The following WDR88 variants were observed in gnomAD, a reference collection of about 807,000 sequenced individuals.
WDR88 encodes WD repeat domain 88.
In WDR88, 40 loss-of-function variants were observed where a neutral mutation model predicts 46.8. The observed-to-expected ratio is 0.86, with a 90% CI of 0.66 to 1.11. The LOEUF (loss-of-function observed/expected upper bound fraction) is 1.11, where lower values mean the gene tolerates loss of function less well. Ranked by LOEUF, WDR88 falls within the 50% of genes most tolerant of loss-of-function variation. The pLI, the probability that WDR88 is intolerant of heterozygous loss-of-function variation, is 0.00. For missense variants in WDR88, 562 were observed against 602.4 expected (o/e 0.93, Z 0.70); for synonymous variants, 235 against 240.7 (o/e 0.98, Z 0.22).
In WDR88 at chr19:33,148,849, C is replaced by G. The variant is rs141262115; in HGVS notation, c.618C>G (p.Asp206Glu). The change falls in exon 5 of 11, where the codon GAC becomes GAG. Residue 206 changes from aspartate to glutamate, a missense_variant. Coordinates refer to ENST00000355868, the MANE Select transcript of WDR88 (RefSeq NM_173479.4). Reference protein sequence around the residue: ...PDGKYVVSGFDVDHGICIMDA... With the variant: ...PDGKYVVSGFEVDHGICIMDA... ...GTAAATACGTGGTCTCAGGCTTCGA[C>G]GTGGATCATGGAATCTGCATAATGG... is the stretch of plus-strand genomic sequence containing the variant. The G allele has an allele frequency of 9.9e-5, 160 of 1,614,074 alleles. No individual in the cohort carries two copies. Among genetic ancestry groups the G allele is most frequent in the Admixed American group, 2.0e-4 (12 of 60,000 alleles).
intron 1 of WDR88, 107 bp downstream of exon 1, chr19:33,132,552 AC>A: frequency 1.3e-6 from 2 of 1,483,382 alleles, no homozygotes; most frequent in Non-Finnish European, 9.1e-7. Context: ...CTTCACCAGG[AC>A]CCCCAGCGAG....
chr19:33,156,846 AC>A (rs1273470254), intron 7 of WDR88, among the ~76,000 whole-genome samples: 3 of 151,886 alleles, frequency 2.0e-5, no homozygotes, highest in East Asian at 1.9e-4. Context: ...TGGGAACCCA[AC>A]CCTTCCACTC....
intron 1 of WDR88, among the ~76,000 whole-genome samples, chr19:33,134,306 G>C (rs1338171761): frequency 6.6e-6 from 1 of 151,520 alleles, no homozygotes; most frequent in African/African-American, 2.4e-5. Flanking sequence ...TAGGTTTTTT[G>C]TTTTCCTATT....
chr19:33,172,548 A>ATGGTTTT, intron 10 of WDR88, 108 bp downstream of exon 10: 2 of 890,986 alleles, frequency 2.2e-6, no homozygotes, highest in Non-Finnish European at 3.4e-6. Context: ...AATCGTGAAC[A>ATGGTTTT]AACAGACTGA....
chr19:33,157,565 G>GTATATGTGTATATATATATT (rs1973765734), intron 7 of WDR88, among the ~76,000 whole-genome samples: 1 of 140,702 alleles, frequency 7.1e-6, no homozygotes, highest in Non-Finnish European at 1.5e-5. Context: ...ATATATATAT[G>GTATATGTGTATATATATATT]TATATATGTG....
At chr19:33,136,300 C>G (rs1399816374) in intron 1 of WDR88, among the ~76,000 whole-genome samples, 1 of 152,164 alleles carries the variant, frequency 6.6e-6, no homozygotes, top group African/African-American at 2.4e-5. Flanking sequence ...GGTGATCCAC[C>G]TACCTCAGCC....
chr19:33,155,967 C>G (rs1016018806), intron 6 of WDR88, among the ~76,000 whole-genome samples: 1 of 152,248 alleles, frequency 6.6e-6, no homozygotes, highest in African/African-American at 2.4e-5. Context: ...TGGCTCACGC[C>G]TGTAATCCCA....
intron 2 of WDR88, among the ~76,000 whole-genome samples, chr19:33,143,943 T>C (rs950796718): frequency 2.6e-5 from 4 of 152,192 alleles, no homozygotes; most frequent in African/African-American, 4.8e-5. Flanking sequence ...CTTTCCCTCG[T>C]TCATTTGAAG....
intron 2 of WDR88, among the ~76,000 whole-genome samples, chr19:33,138,038 A>ATTT (rs745407325): frequency 1.4e-5 from 2 of 139,876 alleles, no homozygotes; most frequent in Non-Finnish European, 3.1e-5. Flanking sequence ...AGTGCCACAC[A>ATTT]TTTTTTTTTT....
Position 33,137,755 on chromosome 19 carries a change from A to T in WDR88, c.355A>T (p.Ser119Cys), listed in dbSNP as rs772675231. 6.2e-7 allele frequency: 1 copy of T among 1,613,720 alleles called. No homozygotes were observed. Among genetic ancestry groups the T allele is most frequent in the East Asian group, 2.2e-5 (1 of 44,878 alleles). The change falls in exon 2 of 11, where the codon AGT (serine) becomes TGT (cysteine). Residue 119 changes from serine (S) to cysteine (C), a missense_variant. Transcript: ENST00000355868. Reference sequence around the variant, plus strand: ...CTGTGTGGATGACACAAAGCTCCTCAGTGGCTCCTATGACTGCACTGTGAA... The same window carrying T: ...CTGTGTGGATGACACAAAGCTCCTCTGTGGCTCCTATGACTGCACTGTGAA... ...HFCVDDTKLL[S>C]GSYDCTVKLW...
At chr19:33,149,662 T>A (rs1343260142) in intron 5 of WDR88, among the ~76,000 whole-genome samples, 3 of 152,014 alleles carry the variant, frequency 2.0e-5, no homozygotes, top group Non-Finnish European at 4.4e-5. Flanking sequence ...TGTATCTTTT[T>A]TTTTTTTCTT....
chr19:33,146,526 C>G (rs1236752616), intron 3 of WDR88, among the ~76,000 whole-genome samples: 1 of 148,670 alleles, frequency 6.7e-6, no homozygotes, highest in Non-Finnish European at 1.5e-5. Context: ...CCCTTCCTTC[C>G]TTCTTTCCTT....
chr19:33,150,134 A>T (rs1973603443), intron 5 of WDR88, among the ~76,000 whole-genome samples: 1 of 152,142 alleles, frequency 6.6e-6, no homozygotes, highest in East Asian at 1.9e-4. Context: ...ATTAAAGTTA[A>T]AAAAATGTGT....
At chr19:33,146,491 CCTTCCCCTT>C (rs1973521034) in intron 3 of WDR88, among the ~76,000 whole-genome samples, 3 of 73,416 alleles carry the variant, frequency 4.1e-5, no homozygotes, top group African/African-American at 1.4e-4. Flanking sequence ...TTCCTTCCTT[CCTTCCCCTT>C]CCTTCCTCCC....
At chr19:33,174,452 C>T (rs1459282243) in intron 10 of WDR88, 1 of 985,320 alleles carries the variant, frequency 1.0e-6, no homozygotes, top group Non-Finnish European at 1.2e-6. Context: ...GGGCCTCTGC[C>T]CATGGCCTAG....
chr19:33,156,626 G>A (rs1973741150), intron 7 of WDR88, 84 bp downstream of exon 7: 2 of 1,448,620 alleles, frequency 1.4e-6, no homozygotes, highest in African/African-American at 1.4e-5. Flanking sequence ...TGGACAGAGA[G>A]GCAATTTCCA....
At chr19:33,158,313 C>T (rs2145405266) in intron 7 of WDR88, among the ~76,000 whole-genome samples, 1 of 152,228 alleles carries the variant, frequency 6.6e-6, no homozygotes, top group Non-Finnish European at 1.5e-5. Context: ...GTGAGGCACC[C>T]TGCCAGCTTC....
Position 33,132,321 on chromosome 19 carries a change from A to C in WDR88, c.152A>C (p.His51Pro), listed in dbSNP as rs1358168441. Residue 51 changes from histidine (H) to proline (P), a missense_variant, in exon 1 of 11, where the codon CAC becomes CCC. By Grantham distance (77) the His-to-Pro change is moderately conservative (BLOSUM62 -2). Coordinates refer to ENST00000355868, the MANE Select transcript of WDR88 (RefSeq NM_173479.4). ...GGCCGCTTCAAGCTGTCGATCCCGC[A>C]CACGCACCTGCTGGCCACCCTCGAC... ...ALGRFKLSIP[H>P]THLLATLDPL... 1 of 1,614,044 alleles carries C rather than the reference A, an allele frequency of 6.2e-7. No individual in the cohort carries two copies.
intron 4 of WDR88, 82 bp downstream of exon 4, chr19:33,147,790 G>C (rs1237550427): frequency 3.2e-6 from 4 of 1,239,560 alleles, no homozygotes; most frequent in Non-Finnish European, 4.6e-6. Flanking sequence ...TTGGACCCTG[G>C]GTAGGGGGAG....
Sources: allele counts gnomAD v4.1 joint callset (sites outside exome capture counted in the v4.1 genomes callset), GRCh38; gene constraint gnomAD v4.1.1; transcripts MANE v1.5; gene names NCBI Gene and HGNC (gene_info 2026-07-23, HGNC 2026-07-21).